The following MIEF2 variants were observed in gnomAD, a reference collection of about 807,000 sequenced individuals.
MIEF2 encodes mitochondrial dynamics protein MID49.
MIEF2 carries 1 observed loss-of-function variant against 7.4 expected under a neutral mutation model. The ratio of observed to expected loss-of-function variants is 0.14; its 90% CI spans 0.05 to 0.64. The LOEUF (loss-of-function observed/expected upper bound fraction) is 0.64. Ranked by LOEUF, MIEF2 falls within the 30% of genes least tolerant of loss-of-function variation. MIEF2 has a pLI of 0.85. For missense variants in MIEF2, 569 were observed against 623.9 expected (o/e 0.91, Z 0.94); for synonymous variants, 275 against 290.5 (o/e 0.95, Z 0.54).
chr17:18,260,985 C>A lies in MIEF2; in HGVS notation c.-8+248C>A. The A allele has an allele frequency of 3.2e-6, 3 of 939,684 alleles. No individual in the cohort carries two copies. The South Asian group carries it at 4.5e-5, about 14-fold the overall frequency. The allele number at this position is 939,684 out of a possible 1,614,324, so 58.2% of individuals were successfully genotyped here. ...TGCTGCGCGGCCTGCTCCGCCCGGG[C>A]CCAGGGCAGGCAGGTTTGGCGGAGG... is the stretch of plus-strand genomic sequence containing the variant. On this transcript the variant is annotated intron_variant, in intron 1 of 3. Coordinates refer to ENST00000323019, the MANE Select transcript of MIEF2 (RefSeq NM_139162.4).
chr17:18,263,879 G>A lies in MIEF2; in HGVS notation c.480G>A (p.Leu160=), dbSNP rs1383754182. The A allele has an allele frequency of 1.9e-6, 3 of 1,603,684 alleles. No individual in the cohort carries two copies. The highest frequency in any genetic ancestry group is 2.5e-6 in the Non-Finnish European group (3 of 1,179,832). Residue 160 remains leucine, a synonymous_variant, in exon 4 of 4, where the codon CTG becomes CTA. Coordinates refer to ENST00000323019, the MANE Select transcript of MIEF2 (RefSeq NM_139162.4). ...TGGCTGGCGACATCGCCCTGGAGCT[G>A]CAGGCCTACTTTCGGAGCAAGTTCC... The part of the protein sequence containing the change: ...KQLAGDIALE[L]QAYFRSKFPE...
chr17:18,262,271 T>C (rs542762289), intron 1 of MIEF2, among the ~76,000 whole-genome samples: 57 of 152,282 alleles, frequency 3.7e-4, no homozygotes, highest in Admixed American at 1.0e-3. Flanking sequence ...GCTGGCAGCC[T>C]GTAGCTCTGT....
Position 18,260,770 on chromosome 17 carries a change from G to A in MIEF2, c.-8+33G>A, listed in dbSNP as rs569226616. The A allele has an allele frequency of 4.5e-5, 13 of 289,318 alleles. No individual in the cohort carries two copies. In the East Asian group the frequency reaches 1.1e-3, roughly 24 times the overall value. The allele number at this position is 289,318 out of a possible 1,614,324, so 17.9% of individuals were successfully genotyped here. ...TGGAGCGCGGCGGGGCGGCCCCCAG[G>A]GTCACCGGGCTCGGGGCTTGGCGCG... On this transcript the variant is annotated intron_variant, in intron 1 of 3. Coordinates refer to ENST00000323019, the MANE Select transcript of MIEF2 (RefSeq NM_139162.4).
rs143637722 is a variant in MIEF2 at position 18,264,725 on chromosome 17, G to A, written c.1326G>A (p.Ala442=). 7.6e-5 allele frequency: 123 copies of A among 1,612,464 alleles called. No homozygotes were observed. The East Asian group carries it at 2.1e-3, about 28-fold the overall frequency. The part of the protein sequence containing the change: ...REEEIDDIGY[A]LYSGLQEPEG... ...AGGAGATTGACGACATTGGCTATGC[G>A]CTATACAGTGGCCTACAGGAGCCCG... The change falls in exon 4 of 4, where the codon GCG becomes GCA. Residue 442 remains alanine (A), a synonymous_variant. Transcript: ENST00000323019.
chr17:18,261,046 C>T, intron 1 of MIEF2: 3 of 1,504,464 alleles, frequency 2.0e-6, no homozygotes, highest in Middle Eastern at 2.2e-4. Flanking sequence ...CCCCGCTGCG[C>T]AAACTTGGGT....
At chr17:18,261,897 G>A (rs1978435879) in intron 1 of MIEF2, among the ~76,000 whole-genome samples, 1 of 152,216 alleles carries the variant, frequency 6.6e-6, no homozygotes, top group African/African-American at 2.4e-5. Context: ...CTGCCAAAGG[G>A]GCTTCAACCC....
intron 1 of MIEF2, among the ~76,000 whole-genome samples, chr17:18,261,719 A>G (rs563725249): frequency 1.1e-4 from 17 of 152,312 alleles, no homozygotes; most frequent in Non-Finnish European, 2.5e-4. Context: ...TGCCTATGCC[A>G]TCTTACAGGT....
intron 1 of MIEF2, among the ~76,000 whole-genome samples, chr17:18,261,673 C>G (rs2142901626): frequency 6.6e-6 from 1 of 152,362 alleles, no homozygotes; most frequent in Non-Finnish European, 1.5e-5. Flanking sequence ...CACCCAGCCA[C>G]ACACTTCAAG....
At position 18,262,907 on chromosome 17, in the gene MIEF2, G is replaced by A. The variant is rs1258688171; in HGVS notation, c.147+40G>A. 2.6e-6 allele frequency: 4 copies of A among 1,528,352 alleles called. No individual in the cohort carries two copies. The African/African-American group carries it at 4.1e-5, about 16-fold the overall frequency. 94.7% of individuals were successfully genotyped at this position (1,528,352 alleles called of 1,614,324 possible). On this transcript the variant is annotated intron_variant, in intron 2 of 3. Transcript: ENST00000323019. ...GCGGGTCATGCCTGAAGCTCCTAGA[G>A]GAGGACAACAGGGTTGGGCTTTTCA...
At chr17:18,262,323 G>A (rs764616289) in intron 1 of MIEF2, among the ~76,000 whole-genome samples, 6 of 152,184 alleles carry the variant, frequency 3.9e-5, no homozygotes, top group Non-Finnish European at 7.4e-5. Flanking sequence ...GATGTCAGAG[G>A]TCCTGGAGGG....
intron 1 of MIEF2, 144 bp downstream of exon 1, chr17:18,260,881 C>G (rs760519866): frequency 1.8e-6 from 1 of 553,556 alleles, no homozygotes; most frequent in Non-Finnish European, 3.2e-6. Context: ...GGGCAGCGTT[C>G]GAATCCTAGC....
chr17:18,264,050 G>C lies in MIEF2; in HGVS notation c.651G>C (p.Ala217=). Reference sequence around the variant, plus strand: ...TGGTGCCGGGCGTGGACACTGTGGCGAGGGACCCTCGCTGCTGGGCCGTGC... The same window carrying C: ...TGGTGCCGGGCGTGGACACTGTGGCCAGGGACCCTCGCTGCTGGGCCGTGC... ...WSLVPGVDTV[A]RDPRCWAVRR... is the part of the protein sequence containing the mutation. Residue 217 remains alanine, a synonymous_variant, in exon 4 of 4, where the codon GCG becomes GCC. Transcript: ENST00000323019. 4 of 1,553,072 alleles carry C rather than the reference G, an allele frequency of 2.6e-6. No homozygotes were observed. The highest frequency in any genetic ancestry group is 3.5e-6 in the Non-Finnish European group (4 of 1,153,302).
At chr17:18,261,186 C>T (rs760381312) in intron 1 of MIEF2, 2 of 1,551,296 alleles carry the variant, frequency 1.3e-6, no homozygotes. Flanking sequence ...AAGCGCTTTA[C>T]AGTTTGCAAA....
In MIEF2 at chr17:18,260,857, C is replaced by T. The variant is rs1318843146; in HGVS notation, c.-8+120C>T. 1.2e-5 allele frequency: 6 copies of T among 513,652 alleles called. No individual in the cohort carries two copies. In the East Asian group the frequency reaches 1.4e-4, roughly 12 times the overall value. 31.8% of individuals were successfully genotyped at this position (513,652 alleles called of 1,614,324 possible). A position where few individuals can be genotyped will look rare whatever the true frequency, so the allele number is the denominator to read the frequency against. On this transcript the variant is annotated intron_variant, in intron 1 of 3. Transcript: ENST00000323019. ...CCGCTGGGGAAGGCGGGGAGGGGAC[C>T]TTTGGGGGACCAAGGGCAGCGTTCG...
intron 2 of MIEF2, 85 bp from the exon 3 acceptor site, chr17:18,263,000 AC>A (rs1014392645): frequency 1.3e-6 from 2 of 1,562,348 alleles, no homozygotes; most frequent in Admixed American, 3.5e-5. Context: ...CTGCTTCTCC[AC>A]CCAGCACGCT....
In MIEF2 at chr17:18,262,822, G is replaced by T. The variant is rs147166213; in HGVS notation, c.102G>T (p.Val34=). Reference sequence around the variant, plus strand: ...CCAATGCCCGCCTGGTGCTGGGCGTGGGCGGGGCTGCTGTGCTGGGCATTG... The same window carrying T: ...CCAATGCCCGCCTGGTGCTGGGCGTTGGCGGGGCTGCTGTGCTGGGCATTG... ...LLANARLVLG[V]GGAAVLGIAT... The change falls in exon 2 of 4, where the codon GTG becomes GTT. Residue 34 remains valine, a synonymous_variant. Coordinates refer to ENST00000323019, the MANE Select transcript of MIEF2 (RefSeq NM_139162.4). 1,515 of 1,564,224 alleles carry T rather than the reference G, an allele frequency of 9.7e-4. 13 individuals carry two copies. In the African/African-American group the frequency reaches 0.019, roughly 20 times the overall value.
In MIEF2 at chr17:18,264,144, C is replaced by A; in HGVS notation, c.745C>A (p.Leu249Ile). Reference protein sequence around the residue: ...PWDRFLVGGYLSSRVLLELLR... With the variant: ...PWDRFLVGGYISSRVLLELLR... ...GGACCGCTTCCTGGTCGGGGGCTAC[C>A]TCTCCTCCCGCGTCCTGCTGGAGCT... is the stretch of plus-strand genomic sequence containing the variant. Residue 249 changes from leucine (L) to isoleucine (I), a missense_variant, in exon 4 of 4, where the codon CTC becomes ATC. Physicochemically the swap from Leu to Ile is conservative, Grantham distance 5. Transcript: ENST00000323019. 6.4e-7 allele frequency: 1 copy of A among 1,564,716 alleles called. No homozygotes were observed.
intron 3 of MIEF2, 75 bp from the exon 4 acceptor site, chr17:18,263,635 C>T (rs866304663): frequency 3.4e-6 from 5 of 1,461,314 alleles, no homozygotes; most frequent in Middle Eastern, 2.4e-4. Context: ...GGACATCACA[C>T]AGCTAGTTCT....
In MIEF2 at chr17:18,262,775, A is replaced by G; in HGVS notation, c.55A>G (p.Ser19Gly). 1 of 1,603,508 alleles carries G rather than the reference A, an allele frequency of 6.2e-7. No individual in the cohort carries two copies. The highest frequency in any genetic ancestry group is 8.5e-7 in the Non-Finnish European group (1 of 1,174,544). ...GKRRSDEGLG[S>G]MVDFLLANAR... ...GCGGCGTAGCGACGAAGGGCTGGGC[A>G]GCATGGTGGACTTCCTCCTGGCCAA... is the stretch of plus-strand genomic sequence containing the variant. The change falls in exon 2 of 4, where the codon AGC becomes GGC. Residue 19 changes from serine (S) to glycine (G), a missense_variant. Transcript: ENST00000323019.
Sources: allele counts gnomAD v4.1 joint callset (sites outside exome capture counted in the v4.1 genomes callset), GRCh38; gene constraint gnomAD v4.1.1; transcripts MANE v1.5; gene names NCBI Gene and HGNC (gene_info 2026-07-23, HGNC 2026-07-21).